AGMO: variants seen among roughly 807,000 people sequenced by gnomAD.
AGMO encodes glyceryl-ether monooxygenase.
A neutral mutation model predicts 60.2 loss-of-function variants in AGMO; 75 were observed. The ratio of observed to expected loss-of-function variants is 1.25; its 90% CI spans 1.03 to 1.51. AGMO has a LOEUF of 1.51. AGMO is among the 40% of genes most tolerant of loss of function. The probability of loss-of-function intolerance (pLI) is 0.00; values close to 1 mark genes in which losing one functional copy is unlikely to be tolerated. For synonymous variants in AGMO, 261 were observed against 177.1 expected (o/e 1.47, Z -3.76); for missense variants, 763 against 525.5 (o/e 1.45, Z -4.42).
the AGMO span, among the ~76,000 whole-genome samples, chr7:15,147,803 C>G: frequency 6.6e-6 from 1 of 152,094 alleles, no homozygotes; most frequent in African/African-American, 2.4e-5. Context: ...CGTACACAGA[C>G]TGTAAAAGGC....
intron 10 of AGMO, among the ~76,000 whole-genome samples, chr7:15,374,297 T>C (rs1783353732): frequency 6.6e-6 from 1 of 152,084 alleles, no homozygotes; most frequent in Non-Finnish European, 1.5e-5. Flanking sequence ...GGAATATAAT[T>C]ACAGTAAACA....
At chr7:15,367,032 T>TA (rs2128562223) in intron 10 of AGMO, among the ~76,000 whole-genome samples, 2 of 152,178 alleles carry the variant, frequency 1.3e-5, no homozygotes, top group Admixed American at 1.3e-4. Flanking sequence ...AGTCTTTTTT[T>TA]ATTGTTTAAA....
the AGMO span, among the ~76,000 whole-genome samples, chr7:15,120,370 A>G: frequency 6.6e-6 from 1 of 152,098 alleles, no homozygotes; most frequent in South Asian, 2.1e-4. Context: ...TTCCTTCTTA[A>G]TATATATTAA....
rs187906765 is a variant in AGMO, at chr7:15,356,142, G to C, written c.1263+9372C>G. Among the ~76,000 whole-genome samples, 54 of 152,206 alleles carry C rather than the reference G, an allele frequency of 3.5e-4. No homozygotes were observed. In the East Asian group the frequency reaches 7.5e-3, roughly 21 times the overall value. On this transcript the variant is annotated intron_variant, in intron 12 of 12. Coordinates refer to ENST00000342526, the MANE Select transcript of AGMO (RefSeq NM_001004320.2). Reference sequence around the variant, plus strand: ...TTATAATCACTTGGAAAACAACTTGGCATCAGCTAAAGAATTTAAACAAGC... The same window carrying C: ...TTATAATCACTTGGAAAACAACTTGCCATCAGCTAAAGAATTTAAACAAGC...
chr7:15,447,718 AT>A (rs1041470865), intron 3 of AGMO, among the ~76,000 whole-genome samples: 16 of 150,870 alleles, frequency 1.1e-4, no homozygotes, highest in East Asian at 6.0e-4. Context: ...ACCTGGCTAA[AT>A]TTTTTTTTTT....
intron 4 of AGMO, among the ~76,000 whole-genome samples, chr7:15,428,636 G>C (rs1004813244): frequency 6.6e-6 from 1 of 152,062 alleles, no homozygotes; most frequent in African/African-American, 2.4e-5. Flanking sequence ...GCTTCTTTAA[G>C]ATTCATATTT....
chr7:15,135,265 G>A, the AGMO span, among the ~76,000 whole-genome samples: 2 of 151,738 alleles, frequency 1.3e-5, no homozygotes, highest in African/African-American at 4.8e-5. Context: ...TTTTTAGCAT[G>A]ATAACAAAGA....
At chr7:15,383,385 T>A (rs79818977) in intron 10 of AGMO, among the ~76,000 whole-genome samples, 13,854 of 152,020 alleles carry the variant, frequency 0.091, 868 homozygotes, top group South Asian at 0.15. Flanking sequence ...AGTTAATAAA[T>A]CCACTCTGCG....
At chr7:15,524,975 AAAAAT>A (rs1784086122) in intron 3 of AGMO, among the ~76,000 whole-genome samples, 1 of 152,148 alleles carries the variant, frequency 6.6e-6, no homozygotes, top group Non-Finnish European at 1.5e-5. Context: ...GGTGGAAACT[AAAAAT>A]AAATCCTAAC....
chr7:15,248,179 C>CATATATATATACATATAT (rs1554401206), intron 12 of AGMO, among the ~76,000 whole-genome samples: 6 of 32,660 alleles, frequency 1.8e-4, no homozygotes, highest in South Asian at 1.4e-3. Context: ...GATCCAGCAC[C>CATATATATATACATATAT]ATATATATAT....
intron 12 of AGMO, among the ~76,000 whole-genome samples, chr7:15,222,030 A>C (rs1781939655): frequency 6.6e-6 from 1 of 152,114 alleles, no homozygotes; most frequent in Non-Finnish European, 1.5e-5. Flanking sequence ...TTGGAGAGTA[A>C]AACTTTAATA....
intron 12 of AGMO, among the ~76,000 whole-genome samples, chr7:15,326,171 G>C (rs1453669154): frequency 6.6e-6 from 1 of 151,900 alleles, no homozygotes; most frequent in East Asian, 1.9e-4. Flanking sequence ...AAATACATTT[G>C]AATTAAAGGG....
At chr7:15,491,809 G>A (rs1434754076) in intron 3 of AGMO, among the ~76,000 whole-genome samples, 2 of 152,140 alleles carry the variant, frequency 1.3e-5, no homozygotes, top group African/African-American at 2.4e-5. Flanking sequence ...TTTTCTACTT[G>A]TAGTCAATGA....
At chr7:15,231,692 G>C (rs1362253710) in intron 12 of AGMO, among the ~76,000 whole-genome samples, 4 of 152,098 alleles carry the variant, frequency 2.6e-5, no homozygotes, top group Non-Finnish European at 4.4e-5. Context: ...AGATCTTCTA[G>C]GCATTACTAA....
chr7:15,163,028 G>A, the AGMO span, among the ~76,000 whole-genome samples: 1 of 152,072 alleles, frequency 6.6e-6, no homozygotes, highest in Non-Finnish European at 1.5e-5. Context: ...TCCTTGTAGA[G>A]CTCATTTACC....
intron 3 of AGMO, among the ~76,000 whole-genome samples, chr7:15,487,067 G>T (rs904384406): frequency 1.3e-5 from 2 of 152,094 alleles, no homozygotes; most frequent in African/African-American, 4.8e-5. Context: ...TTAGTAAAAA[G>T]ACATTAAATT....
chr7:15,242,912 A>C (rs1447924784), intron 12 of AGMO, among the ~76,000 whole-genome samples: 1 of 152,116 alleles, frequency 6.6e-6, no homozygotes, highest in African/African-American at 2.4e-5. Flanking sequence ...TGCTACTACA[A>C]TATTTTAGGA....
At chr7:15,180,234 C>T in the AGMO span, among the ~76,000 whole-genome samples, 1 of 152,124 alleles carries the variant, frequency 6.6e-6, no homozygotes, top group Admixed American at 6.5e-5. Flanking sequence ...TTCTACTTTG[C>T]TTCCCTTTTA....
At chr7:15,120,879 C>G in the AGMO span, among the ~76,000 whole-genome samples, 2 of 151,816 alleles carry the variant, frequency 1.3e-5, no homozygotes, top group South Asian at 4.1e-4. Flanking sequence ...CAAGTATACA[C>G]GTGCCACAGT....
Sources: allele counts gnomAD v4.1 joint callset (sites outside exome capture counted in the v4.1 genomes callset), GRCh38; gene constraint gnomAD v4.1.1; transcripts MANE v1.5; gene names NCBI Gene and HGNC (gene_info 2026-07-23, HGNC 2026-07-21).